Variants in EPHA6 observed in about 807,000 individuals in gnomAD.
The protein encoded by EPHA6 is EPH receptor A6, also known as ephrin type-A receptor 6.
In EPHA6, 50 loss-of-function variants were observed where a neutral mutation model predicts 112.0. The ratio of observed to expected loss-of-function variants is 0.45; its 90% confidence interval spans 0.36 to 0.56. The LOEUF (loss-of-function observed/expected upper bound fraction) is 0.56. Among genes scored for constraint, EPHA6 ranks in the 20% least tolerant of loss-of-function variants. EPHA6 has a pLI of 0.00. For missense variants in EPHA6, 1,280 were observed against 1,417.4 expected (o/e 0.90, Z 1.56); for synonymous variants, 529 against 490.7 (o/e 1.08, Z -1.03).
intron 2 of EPHA6, among the ~76,000 whole-genome samples, chr3:96,893,979 T>G (rs990837015): frequency 6.6e-6 from 1 of 152,188 alleles, no homozygotes; most frequent in Non-Finnish European, 1.5e-5. Context: ...TTACTTGTCA[T>G]AGAAAATCTC....
intron 2 of EPHA6, among the ~76,000 whole-genome samples, chr3:96,877,572 T>G (rs1251814432): frequency 6.6e-6 from 1 of 151,682 alleles, no homozygotes; most frequent in Non-Finnish European, 1.5e-5. Context: ...TTTTAATGAG[T>G]GATAGATGGA....
intron 14 of EPHA6, among the ~76,000 whole-genome samples, chr3:97,701,023 T>A (rs1576315023): frequency 1.3e-5 from 2 of 152,248 alleles, no homozygotes; most frequent in South Asian, 4.1e-4. Flanking sequence ...GATGTCCCTG[T>A]TGGTGAGAAG....
chr3:97,577,579 T>A (rs1418634663), intron 11 of EPHA6, among the ~76,000 whole-genome samples: 1 of 152,106 alleles, frequency 6.6e-6, no homozygotes, highest in South Asian at 2.1e-4. Flanking sequence ...TAGTGTTATC[T>A]CCAGGGAGTT....
chr3:96,832,895 G>T (rs2034177174), intron 1 of EPHA6, among the ~76,000 whole-genome samples: 1 of 151,558 alleles, frequency 6.6e-6, no homozygotes, highest in Non-Finnish European at 1.5e-5. Context: ...ACTCTTTGTT[G>T]GATACTATAC....
intron 10 of EPHA6, among the ~76,000 whole-genome samples, chr3:97,525,230 C>T (rs1285778029): frequency 6.6e-6 from 1 of 151,926 alleles, no homozygotes; most frequent in Non-Finnish European, 1.5e-5. Flanking sequence ...AATAATCTTT[C>T]TTCAAATTCA....
intron 1 of EPHA6, among the ~76,000 whole-genome samples, chr3:96,829,949 G>GCGCGCGCGCACA (rs373416797): frequency 4.4e-5 from 6 of 136,034 alleles, no homozygotes; most frequent in African/African-American, 1.5e-4. Flanking sequence ...GCGCGCGCGC[G>GCGCGCGCGCACA]CACACACACA....
At chr3:97,300,301 A>C (rs988644975) in intron 5 of EPHA6, among the ~76,000 whole-genome samples, 1 of 152,200 alleles carries the variant, frequency 6.6e-6, no homozygotes, top group Non-Finnish European at 1.5e-5. Flanking sequence ...TCTCAATTAA[A>C]AGCCACTGTG....
chr3:97,202,235 G>T (rs2077594239), intron 3 of EPHA6, among the ~76,000 whole-genome samples: 2 of 152,014 alleles, frequency 1.3e-5, no homozygotes, highest in South Asian at 4.2e-4. Context: ...AATATTTATA[G>T]TAGAGCTACG....
chr3:97,616,353 A>G (rs936105849), intron 13 of EPHA6, among the ~76,000 whole-genome samples: 1 of 152,202 alleles, frequency 6.6e-6, no homozygotes, highest in Non-Finnish European at 1.5e-5. Context: ...TGAAAACTCA[A>G]AAAGCCAGAG....
intron 2 of EPHA6, among the ~76,000 whole-genome samples, chr3:96,977,266 T>C (rs981398089): frequency 5.5e-5 from 8 of 145,422 alleles, no homozygotes; most frequent in African/African-American, 2.0e-4. Flanking sequence ...AACTGACACA[T>C]AGAAAGACAA....
At chr3:97,554,573 G>A (rs2093075972) in intron 11 of EPHA6, among the ~76,000 whole-genome samples, 1 of 152,004 alleles carries the variant, frequency 6.6e-6, no homozygotes, top group African/African-American at 2.4e-5. Context: ...TAATCAGGGG[G>A]TGGCCAGGTT....
At chr3:97,592,120 T>C (rs1466102713) in intron 11 of EPHA6, among the ~76,000 whole-genome samples, 1 of 152,216 alleles carries the variant, frequency 6.6e-6, no homozygotes, top group Non-Finnish European at 1.5e-5. Flanking sequence ...TTCTTGTCCC[T>C]GTTGCAAAAA....
intron 14 of EPHA6, among the ~76,000 whole-genome samples, chr3:97,691,425 C>T (rs1436045364): frequency 2.0e-5 from 3 of 152,294 alleles, no homozygotes; most frequent in African/African-American, 7.2e-5. Context: ...TTGTGGGCCC[C>T]TTGTATCTTC....
chr3:97,541,762 T>TTGC (rs1175512289), intron 11 of EPHA6, among the ~76,000 whole-genome samples: 1 of 84,118 alleles, frequency 1.2e-5, no homozygotes, highest in African/African-American at 1.7e-4. Flanking sequence ...TTAAAGAAGT[T>TTGC]TGTTGTTGTT....
At chr3:97,521,923 CAAAAA>C (rs754123519) in intron 10 of EPHA6, among the ~76,000 whole-genome samples, 1 of 87,964 alleles carries the variant, frequency 1.1e-5, no homozygotes, top group Non-Finnish European at 2.6e-5. Flanking sequence ...GAGCCTTTTT[CAAAAA>C]AAAAAAAAAA....
intron 6 of EPHA6, among the ~76,000 whole-genome samples, chr3:97,407,816 C>T (rs1225927105): frequency 6.6e-6 from 1 of 152,040 alleles, no homozygotes; most frequent in Non-Finnish European, 1.5e-5. Context: ...ACTAAGACAT[C>T]ATCTGCTCCC....
chr3:97,238,180 T>C (rs906211705), intron 4 of EPHA6, among the ~76,000 whole-genome samples: 1 of 151,970 alleles, frequency 6.6e-6, no homozygotes, highest in African/African-American at 2.4e-5. Flanking sequence ...TTTTGAGAAA[T>C]TTTTATTCTC....
intron 11 of EPHA6, among the ~76,000 whole-genome samples, chr3:97,591,930 C>T (rs1462131899): frequency 6.6e-6 from 1 of 152,158 alleles, no homozygotes; most frequent in Non-Finnish European, 1.5e-5. Flanking sequence ...TTATTTCGTT[C>T]TGACACTCTT....
At chr3:97,218,866 G>GCAA (rs1357715394) in intron 3 of EPHA6, among the ~76,000 whole-genome samples, 8 of 152,052 alleles carry the variant, frequency 5.3e-5, no homozygotes, top group African/African-American at 1.4e-4. Context: ...AAAATCAAAA[G>GCAA]CAAGTGAATT....
Sources: gnomAD v4.1 joint callset for allele counts (sites outside exome capture counted in the v4.1 genomes callset) on GRCh38, gnomAD v4.1.1 for gene constraint, MANE v1.5 for transcripts, NCBI Gene and HGNC (gene_info 2026-07-23, HGNC 2026-07-21) for gene names.